Variants in CCDC102B observed in about 807,000 individuals in gnomAD.
The protein encoded by CCDC102B is coiled-coil domain containing 102B.
CCDC102B carries 75 observed loss-of-function variants against 57.4 expected under a neutral mutation model. That is an observed-to-expected ratio of 1.31 (90% CI 1.08 to 1.58). CCDC102B has a LOEUF of 1.58. CCDC102B is among the 40% of genes most tolerant of loss of function. The probability of loss-of-function intolerance (pLI) is 0.00; values close to 1 mark genes in which losing one functional copy is unlikely to be tolerated. For missense variants in CCDC102B, 636 were observed against 582.6 expected (o/e 1.09, Z -0.94); for synonymous variants, 206 against 201.9 (o/e 1.02, Z -0.17).
At chr18:68,984,435 C>A (rs1316801070) in intron 6 of CCDC102B, among the ~76,000 whole-genome samples, 1 of 152,122 alleles carries the variant, frequency 6.6e-6, no homozygotes, top group Non-Finnish European at 1.5e-5. Context: ...GTAGTTCTGG[C>A]ACTTCTTCCC....
intron 1 of CCDC102B, among the ~76,000 whole-genome samples, chr18:68,810,146 G>A (rs1302340837): frequency 6.6e-6 from 1 of 152,142 alleles, no homozygotes; most frequent in Non-Finnish European, 1.5e-5. Flanking sequence ...GAGTGCATAT[G>A]TACAACAGAT....
chr18:69,054,230 TA>T lies in CCDC102B; in HGVS notation c.*94del. ...TATCAGTAAAATTGTTTTTATTAAC[TA>T]GAAATATTAATGAAAAAAACGTAGA... On this transcript the variant is annotated 3_prime_UTR_variant, in exon 8 of 8. Coordinates refer to ENST00000360242, the MANE Select transcript of CCDC102B (RefSeq NM_024781.3). 2.2e-6 allele frequency: 3 copies of T among 1,391,570 alleles called. No individual in the cohort carries two copies. The highest frequency in any genetic ancestry group is 2.8e-6 in the Non-Finnish European group (3 of 1,075,382). 86.2% of individuals were successfully genotyped at this position (1,391,570 alleles called of 1,614,324 possible).
intron 2 of CCDC102B, among the ~76,000 whole-genome samples, chr18:68,729,419 G>A (rs987746569): frequency 2.6e-5 from 4 of 152,168 alleles, no homozygotes; most frequent in African/African-American, 9.7e-5. Context: ...TATTCTGCTA[G>A]ATATCAAGAT....
At chr18:68,952,903 C>T (rs1017977981) in intron 6 of CCDC102B, among the ~76,000 whole-genome samples, 2 of 152,084 alleles carry the variant, frequency 1.3e-5, no homozygotes, top group Admixed American at 1.3e-4. Flanking sequence ...ACTACTGATA[C>T]TCTTGTACAT....
At chr18:69,034,625 G>A (rs1468633733) in intron 7 of CCDC102B, among the ~76,000 whole-genome samples, 1 of 151,628 alleles carries the variant, frequency 6.6e-6, no homozygotes, top group Non-Finnish European at 1.5e-5. Flanking sequence ...CTTTTCTGTT[G>A]AAAAGTACTG....
chr18:68,976,882 A>G (rs950288287), intron 6 of CCDC102B, among the ~76,000 whole-genome samples: 1 of 152,096 alleles, frequency 6.6e-6, no homozygotes, highest in East Asian at 1.9e-4. Context: ...TTTCATTATG[A>G]TCCACATGAT....
chr18:68,797,381 A>G (rs1050386865), upstream of CCDC102B, among the ~76,000 whole-genome samples: 1 of 152,056 alleles, frequency 6.6e-6, no homozygotes, highest in Non-Finnish European at 1.5e-5. Context: ...TTTTGCTGCT[A>G]GTTTCAACCA....
At chr18:68,744,590 C>T (rs1203420283) in intron 2 of CCDC102B, among the ~76,000 whole-genome samples, 3 of 152,072 alleles carry the variant, frequency 2.0e-5, no homozygotes, top group East Asian at 3.9e-4. Flanking sequence ...GTGTAGTAAC[C>T]TTTAGGTGTT....
At chr18:68,960,117 G>A (rs765206200) in intron 6 of CCDC102B, among the ~76,000 whole-genome samples, 11 of 152,194 alleles carry the variant, frequency 7.2e-5, no homozygotes, top group Non-Finnish European at 8.8e-5. Context: ...CCTATAGCCA[G>A]TAGAGCTCAG....
chr18:68,892,499 C>T (rs77802714), intron 5 of CCDC102B, among the ~76,000 whole-genome samples: 2,206 of 152,216 alleles, frequency 0.014, 62 homozygotes, highest in African/African-American at 0.05. Flanking sequence ...CTTACATATC[C>T]GTCAAGTTTC....
intron 6 of CCDC102B, among the ~76,000 whole-genome samples, chr18:68,910,636 T>A (rs1342126056): frequency 6.6e-6 from 1 of 152,198 alleles, no homozygotes; most frequent in African/African-American, 2.4e-5. Context: ...AAGTTGCCTT[T>A]TACCTCTAAG....
chr18:69,026,785 T>C lies in CCDC102B; in HGVS notation c.1434+15681T>C, dbSNP rs1357020003. Among the ~76,000 whole-genome samples, 3 of 152,338 alleles carry C rather than the reference T, an allele frequency of 2.0e-5. No homozygotes were observed. The East Asian group carries it at 5.8e-4, about 29-fold the overall frequency. Reference sequence around the variant, plus strand: ...TTTTATGCTGGGTATTCATCTCTTATTTTGTCCCCTTTGTGTTTAGCAGAG... The same window carrying C: ...TTTTATGCTGGGTATTCATCTCTTACTTTGTCCCCTTTGTGTTTAGCAGAG... On this transcript the variant is annotated intron_variant, in intron 7 of 7. Coordinates refer to ENST00000360242, the MANE Select transcript of CCDC102B (RefSeq NM_024781.3).
chr18:68,978,858 A>C (rs1253155873), intron 6 of CCDC102B, among the ~76,000 whole-genome samples: 2 of 152,090 alleles, frequency 1.3e-5, no homozygotes, highest in Non-Finnish European at 2.9e-5. Context: ...AATGTCATTA[A>C]TGTATTTGTA....
intron 7 of CCDC102B, among the ~76,000 whole-genome samples, chr18:69,046,345 T>C (rs1463463068): frequency 6.6e-6 from 1 of 152,148 alleles, no homozygotes; most frequent in Non-Finnish European, 1.5e-5. Context: ...ATTTCTCTAA[T>C]AATTAGGCTG....
intron 2 of CCDC102B, among the ~76,000 whole-genome samples, chr18:68,759,899 A>C (rs1325431458): frequency 6.6e-6 from 1 of 152,054 alleles, no homozygotes; most frequent in Admixed American, 6.6e-5. Context: ...TGGGGGTTAC[A>C]TTTGATGAAG....
At chr18:68,827,596 G>A (rs2030942806) in intron 1 of CCDC102B, among the ~76,000 whole-genome samples, 1 of 152,016 alleles carries the variant, frequency 6.6e-6, no homozygotes, top group South Asian at 2.1e-4. Flanking sequence ...ACGAGAAAGA[G>A]AGGACACAAA....
At chr18:68,899,859 G>C (rs541337858) in intron 6 of CCDC102B, 1 of 152,090 alleles carries the variant, frequency 6.6e-6, no homozygotes, top group African/African-American at 2.4e-5. Flanking sequence ...GTTTTAAATT[G>C]CACTATTAAT....
intron 6 of CCDC102B, among the ~76,000 whole-genome samples, chr18:68,911,751 CAAAAA>C (rs74175338): frequency 1.8e-3 from 33 of 18,004 alleles, no homozygotes; most frequent in East Asian, 0.01. Flanking sequence ...GACTCCGTCT[CAAAAA>C]AAAAAAAAAA....
intron 4 of CCDC102B, among the ~76,000 whole-genome samples, chr18:68,867,201 C>G (rs2039029011): frequency 6.6e-6 from 1 of 152,172 alleles, no homozygotes; most frequent in African/African-American, 2.4e-5. Flanking sequence ...GAAAAGGGCC[C>G]AGATGGTCTC....
Sources: gnomAD v4.1 joint callset for allele counts (sites outside exome capture counted in the v4.1 genomes callset) on GRCh38, gnomAD v4.1.1 for gene constraint, MANE v1.5 for transcripts, NCBI Gene and HGNC (gene_info 2026-07-23, HGNC 2026-07-21) for gene names.